The following PLEKHH1 variants were observed in gnomAD, a reference collection of about 807,000 sequenced individuals.
PLEKHH1 encodes the protein pleckstrin homology, MyTH4 and FERM domain containing H1.
In PLEKHH1, 104 loss-of-function variants were observed where a neutral mutation model predicts 160.0. The observed-to-expected ratio is 0.65, with a 90% CI of 0.55 to 0.76. PLEKHH1 has a LOEUF of 0.76. Ranked by LOEUF, PLEKHH1 falls within the 30% of genes least tolerant of loss-of-function variation. PLEKHH1 has a pLI of 0.00. For missense variants in PLEKHH1, 1,427 were observed against 1,724.1 expected (o/e 0.83, Z 3.05); for synonymous variants, 619 against 678.4 (o/e 0.91, Z 1.36).
chr14:67,550,064 G>A (rs1010966879), intron 2 of PLEKHH1, among the ~76,000 whole-genome samples: 2 of 151,602 alleles, frequency 1.3e-5, no homozygotes, highest in African/African-American at 4.8e-5. Flanking sequence ...CCACAGACAA[G>A]ACTTGGAGCC....
intron 1 of PLEKHH1, among the ~76,000 whole-genome samples, chr14:67,534,794 A>G (rs1240457777): frequency 1.3e-5 from 2 of 152,218 alleles, no homozygotes; most frequent in Non-Finnish European, 2.9e-5. Flanking sequence ...TGATAGAAAA[A>G]AAAAAATCCA....
At chr14:67,568,787 A>T (rs1310043179) in intron 7 of PLEKHH1, among the ~76,000 whole-genome samples, 1 of 152,168 alleles carries the variant, frequency 6.6e-6, no homozygotes, top group Admixed American at 6.5e-5. Flanking sequence ...GGTAGGATTC[A>T]GAGCAACAGT....
intron 7 of PLEKHH1, among the ~76,000 whole-genome samples, chr14:67,564,389 G>A (rs1321275351): frequency 6.6e-6 from 1 of 152,136 alleles, no homozygotes; most frequent in African/African-American, 2.4e-5. Context: ...GCCAAGGGTG[G>A]GGACACAGAT....
intron 27 of PLEKHH1, 53 bp downstream of exon 27, chr14:67,585,707 T>C: frequency 1.5e-6 from 2 of 1,320,374 alleles, no homozygotes. Context: ...CAACATGGTC[T>C]TTTCTTCTCC....
rs553805981 is a variant in PLEKHH1 at position 67,534,285 on chromosome 14, AG to A, written c.-35+888del. ...AAAGGAGGAAGCTGGGACTCTGAAA[AG>A]TTGTGATTTAGGCCAGTTGCAGTGG... is the stretch of plus-strand genomic sequence containing the variant. On this transcript the variant is annotated intron_variant, in intron 1 of 28. Coordinates refer to ENST00000329153, the MANE Select transcript of PLEKHH1 (RefSeq NM_020715.3). Among the ~76,000 whole-genome samples, 60 of 152,260 alleles carry A rather than the reference AG, an allele frequency of 3.9e-4. 1 individual carries two copies. The highest frequency in any genetic ancestry group is 2.9e-3 in the Admixed American group (45 of 15,284).
In PLEKHH1 at chr14:67,587,455, T is replaced by C; in HGVS notation, c.*220T>C. ...CCAGACCCAGTGTTAAAACCATTTATTCCTTTTTTCATAAGAATAATGACT... is the reference window on the plus strand; with the variant it reads ...CCAGACCCAGTGTTAAAACCATTTACTCCTTTTTTCATAAGAATAATGACT... On this transcript the variant is annotated 3_prime_UTR_variant, in exon 29 of 29. Coordinates refer to ENST00000329153, the MANE Select transcript of PLEKHH1 (RefSeq NM_020715.3). 1.7e-6 allele frequency: 1 copy of C among 587,974 alleles called. No homozygotes were observed. Among genetic ancestry groups the C allele is most frequent in the East Asian group, 2.9e-5 (1 of 34,496 alleles). The allele number at this position is 587,974 out of a possible 1,614,324, so 36.4% of individuals were successfully genotyped here.
rs1432012959 is a variant in PLEKHH1 at position 67,588,926 on chromosome 14, T to C, written c.*1691T>C. 6 of 151,926 alleles carry C rather than the reference T, an allele frequency of 3.9e-5. No individual in the cohort carries two copies. In the East Asian group the frequency reaches 9.6e-4, roughly 24 times the overall value. The allele number at this position is 151,926 out of a possible 1,614,324, so 9.4% of individuals were successfully genotyped here. A position where few individuals can be genotyped will look rare whatever the true frequency, so the allele number is the denominator to read the frequency against. ...AAGTTTCTGCCTCTTTTAAATGTACTTGACTTTGCAAGGCAAGTAGTTTTA... is the reference window on the plus strand; with the variant it reads ...AAGTTTCTGCCTCTTTTAAATGTACCTGACTTTGCAAGGCAAGTAGTTTTA... On this transcript the variant is annotated 3_prime_UTR_variant, in exon 29 of 29. Transcript: ENST00000329153.
At chr14:67,565,124 C>T (rs2035029096) in intron 7 of PLEKHH1, among the ~76,000 whole-genome samples, 1 of 152,168 alleles carries the variant, frequency 6.6e-6, no homozygotes, top group African/African-American at 2.4e-5. Context: ...GGGAAGGGCT[C>T]CTTTCCTTGC....
At chr14:67,540,341 A>G (rs1250642310) in intron 1 of PLEKHH1, among the ~76,000 whole-genome samples, 1 of 152,166 alleles carries the variant, frequency 6.6e-6, no homozygotes, top group East Asian at 1.9e-4. Flanking sequence ...TAAAAATATT[A>G]TCGGCCGGGT....
At position 67,575,825 on chromosome 14, in the gene PLEKHH1, A is replaced by C. The variant is rs1399012803; in HGVS notation, c.2172A>C (p.Arg724=). 1.2e-6 allele frequency: 2 copies of C among 1,612,382 alleles called. No individual in the cohort carries two copies. Among genetic ancestry groups the C allele is most frequent in the Non-Finnish European group, 1.7e-6 (2 of 1,178,996 alleles). The change falls in exon 16 of 29, where the codon CGA becomes CGC. Residue 724 remains arginine (R), a splice_region_variant and synonymous_variant. Coordinates refer to ENST00000329153, the MANE Select transcript of PLEKHH1 (RefSeq NM_020715.3). ...FYYYRSHEDK[R]PLGCLPVRDA... ...TCATGGAAGACTGCTGTCCACAGCG[A>C]CCCCTGGGCTGCCTGCCTGTGCGGG... is the stretch of plus-strand genomic sequence containing the variant.
rs906189593 is a variant in PLEKHH1, at chr14:67,574,883, T to C, written c.2088+480T>C. On this transcript the variant is annotated intron_variant, in intron 14 of 28. Coordinates refer to ENST00000329153, the MANE Select transcript of PLEKHH1 (RefSeq NM_020715.3). This position sits in a 1 kb window ranked among gnomAD's most constrained non-coding sequence, Gnocchi z 4.2. ...GAAGTTAACAAGGAAGTACATTAGC[T>C]AGACCAGAACACCAGCAGGAACCAA... is the stretch of plus-strand genomic sequence containing the variant. Among the ~76,000 whole-genome samples the C allele has an allele frequency of 7.9e-5, 12 of 152,210 alleles. No homozygotes were observed. The highest frequency in any genetic ancestry group is 2.9e-4 in the African/African-American group (12 of 41,454).
chr14:67,584,286 C>T (rs1050749418), intron 26 of PLEKHH1, among the ~76,000 whole-genome samples, 162 bp downstream of exon 26: 1 of 152,198 alleles, frequency 6.6e-6, no homozygotes. Context: ...CAGTCCAGAG[C>T]AGAATTGTGA....
intron 1 of PLEKHH1, among the ~76,000 whole-genome samples, chr14:67,536,937 G>T (rs946484101): frequency 1.3e-5 from 2 of 151,624 alleles, no homozygotes; most frequent in African/African-American, 2.4e-5. Flanking sequence ...CTACTCAGGA[G>T]GCTGAGGCAG....
chr14:67,576,313 C>A lies in PLEKHH1; in HGVS notation c.2353-82C>A. ...TAGCTGAACCCCACATGGGCTTGGT[C>A]CCTTCAAGGAGTCCTCCTTGGAGCT... On this transcript the variant is annotated intron_variant, in intron 16 of 28. Coordinates refer to ENST00000329153, the MANE Select transcript of PLEKHH1 (RefSeq NM_020715.3). The surrounding 1 kb of genome is among the most constrained non-coding windows in gnomAD (Gnocchi z 4.0). 1 of 753,820 alleles carries A rather than the reference C, an allele frequency of 1.3e-6. No homozygotes were observed. The highest frequency in any genetic ancestry group is 2.2e-6 in the Non-Finnish European group (1 of 450,530). The allele number at this position is 753,820 out of a possible 1,614,324, so 46.7% of individuals were successfully genotyped here. A position where few individuals can be genotyped will look rare whatever the true frequency, so the allele number is the denominator to read the frequency against.
At position 67,552,595 on chromosome 14, in the gene PLEKHH1, G is replaced by A. The variant is rs144858384; in HGVS notation, c.127-3230G>A. The stretch of plus-strand genomic sequence containing the variant: ...ATCTTGGCTAACACGGTGAAACCCC[G>A]TCTCTTCTAAAAATATAAAAAATTA... On this transcript the variant is annotated intron_variant, in intron 2 of 28. Transcript: ENST00000329153. Among the ~76,000 whole-genome samples, 214 of 152,124 alleles carry A rather than the reference G, an allele frequency of 1.4e-3. 2 individuals are homozygous for A. Among genetic ancestry groups the A allele is most frequent in the Middle Eastern group, 6.8e-3 (2 of 294 alleles).
chr14:67,557,374 A>G lies in PLEKHH1; in HGVS notation c.295A>G (p.Lys99Glu). 1 of 1,613,964 alleles carries G rather than the reference A, an allele frequency of 6.2e-7. No homozygotes were observed. The highest frequency in any genetic ancestry group is 8.5e-7 in the Non-Finnish European group (1 of 1,179,872). Residue 99 changes from lysine to glutamate, a missense_variant, in exon 4 of 29, where the codon AAA (lysine) becomes GAA (glutamate). Physicochemically the swap from Lys to Glu is moderately conservative, Grantham distance 56 (BLOSUM62 1). Transcript: ENST00000329153. ...AGAATTGCTGAAAGCCATAAAGGGC[A>G]AAGATGAGCTCATCAGCCAGCTAGA... ...YQELLKAIKG[K>E]DELISQLEAQ...
intron 1 of PLEKHH1, among the ~76,000 whole-genome samples, chr14:67,534,787 T>C (rs1318547334): frequency 6.6e-6 from 1 of 151,012 alleles, no homozygotes; most frequent in African/African-American, 2.4e-5. Context: ...CCATTCCTGA[T>C]AGAAAAAAAA....
In PLEKHH1 at chr14:67,574,528, A is replaced by T; in HGVS notation, c.2088+125A>T. 1 of 723,312 alleles carries T rather than the reference A, an allele frequency of 1.4e-6. No homozygotes were observed. The highest frequency in any genetic ancestry group is 2.1e-6 in the Non-Finnish European group (1 of 480,416). 44.8% of individuals were successfully genotyped at this position (723,312 alleles called of 1,614,324 possible). On this transcript the variant is annotated intron_variant, in intron 14 of 28. Coordinates refer to ENST00000329153, the MANE Select transcript of PLEKHH1 (RefSeq NM_020715.3). The surrounding 1 kb of genome is among the most constrained non-coding windows in gnomAD (Gnocchi z 4.2). ...CTCCTTTCTCTGGGAGCCTCCTCAC[A>T]GTGACTCGCTGGCCAGCCCTCAAAC...
chr14:67,549,275 T>G (rs2034301000), intron 2 of PLEKHH1, among the ~76,000 whole-genome samples: 1 of 147,412 alleles, frequency 6.8e-6, no homozygotes. Context: ...GATTTTTAAT[T>G]TTTTTTTTTT....
Sources: gnomAD v4.1 joint callset for allele counts (sites outside exome capture counted in the v4.1 genomes callset) on GRCh38, gnomAD v4.1.1 for gene constraint, Gnocchi (gnomAD v3.1) non-coding constraint, MANE v1.5 for transcripts, NCBI Gene and HGNC (gene_info 2026-07-23, HGNC 2026-07-21) for gene names.